Variants in MAP9 observed in about 807,000 individuals in gnomAD.
The protein encoded by MAP9 is microtubule-associated protein 9.
A neutral mutation model predicts 75.2 loss-of-function variants in MAP9; 80 were observed. That is an observed-to-expected ratio of 1.06 (90% CI 0.89 to 1.28). MAP9 has a LOEUF of 1.28. MAP9 is among the 50% of genes most tolerant of loss of function. The pLI is 0.00. For missense variants in MAP9, 753 were observed against 719.9 expected, an observed-to-expected ratio of 1.05 and a Z score of -0.53; for synonymous variants, 235 against 237.3, an observed-to-expected ratio of 0.99 and a Z score of 0.09.
In MAP9 at chr4:155,345,071, C is replaced by T. The variant is rs1731235074; in HGVS notation, c.*2712G>A. The stretch of plus-strand genomic sequence containing the variant: ...ATATCTATATTGACATGACATACTT[C>T]CTAAGGAAATATGGGAAAATCATAC... On this transcript the variant is annotated 3_prime_UTR_variant, in exon 14 of 14. Coordinates refer to ENST00000311277, the MANE Select transcript of MAP9 (RefSeq NM_001039580.2). 1 of 151,822 alleles carries T rather than the reference C, an allele frequency of 6.6e-6. No homozygotes were observed. Among genetic ancestry groups the T allele is most frequent in the Non-Finnish European group, 1.5e-5 (1 of 67,864 alleles). The allele number at this position is 151,822 out of a possible 1,614,324, so 9.4% of individuals were successfully genotyped here. A position where few individuals can be genotyped will look rare whatever the true frequency, so the allele number is the denominator to read the frequency against.
At chr4:155,361,966 T>C in intron 6 of MAP9, 82 bp downstream of exon 6, 1 of 819,606 alleles carries the variant, frequency 1.2e-6, no homozygotes, top group Non-Finnish European at 2.0e-6. Flanking sequence ...CTTATAACTA[T>C]ACAAAGTATT....
At chr4:155,360,788 G>A (rs966808639) in intron 6 of MAP9, among the ~76,000 whole-genome samples, 3 of 151,926 alleles carry the variant, frequency 2.0e-5, no homozygotes, top group Admixed American at 6.6e-5. Flanking sequence ...GGAACAACAC[G>A]CTGCATAAGA....
chr4:155,349,721 A>G (rs1731427752), intron 13 of MAP9: 1 of 152,224 alleles, frequency 6.6e-6, no homozygotes, highest in East Asian at 1.9e-4. Flanking sequence ...GATCATCTTC[A>G]ATCATTTTAA....
At chr4:155,351,962 CAA>C (rs1241783899) in intron 13 of MAP9, among the ~76,000 whole-genome samples, 1 of 151,862 alleles carries the variant, frequency 6.6e-6, no homozygotes, top group African/African-American at 2.4e-5. Context: ...TAAACATGGA[CAA>C]AATGCATATT....
Position 155,346,865 on chromosome 4 carries a change from G to C in MAP9, c.*918C>G, listed in dbSNP as rs943748340. The C allele has an allele frequency of 2.6e-5, 4 of 152,452 alleles. No individual in the cohort carries two copies. The South Asian group carries it at 6.2e-4, about 24-fold the overall frequency. 9.4% of individuals were successfully genotyped at this position (152,452 alleles called of 1,614,324 possible). On this transcript the variant is annotated 3_prime_UTR_variant, in exon 14 of 14. Coordinates refer to ENST00000311277, the MANE Select transcript of MAP9 (RefSeq NM_001039580.2). The stretch of plus-strand genomic sequence containing the variant: ...GAGATCAAATAAATAAATAAATAAA[G>C]GCTTTGTGGACATTGTCAACATATT...
chr4:155,375,575 A>T (rs1303998269), intron 2 of MAP9, among the ~76,000 whole-genome samples: 1 of 152,214 alleles, frequency 6.6e-6, no homozygotes, highest in Non-Finnish European at 1.5e-5. Context: ...GGAAACTAGT[A>T]TTGAGGCTAC....
chr4:155,376,517 G>A (rs1363242837), intron 1 of MAP9: 3 of 152,368 alleles, frequency 2.0e-5, no homozygotes, highest in African/African-American at 7.2e-5. Flanking sequence ...AGGCCTGGCA[G>A]GGCCGCCCAT....
chr4:155,370,592 T>G (rs937655822), intron 4 of MAP9, among the ~76,000 whole-genome samples: 1 of 152,182 alleles, frequency 6.6e-6, no homozygotes, highest in African/African-American at 2.4e-5. Flanking sequence ...TGCATGTCTT[T>G]TGAGCCTCAG....
At position 155,375,784 on chromosome 4, in the gene MAP9, T is replaced by A. The variant is rs200658882; in HGVS notation, c.67A>T (p.Thr23Ser). 1.1e-5 allele frequency: 18 copies of A among 1,597,578 alleles called. No homozygotes were observed. In the African/African-American group the frequency reaches 2.3e-4, roughly 20 times the overall value. The change falls in exon 2 of 14, where the codon ACT becomes TCT. Residue 23 changes from threonine (T) to serine (S), a missense_variant. Physicochemically the swap from Thr to Ser is moderately conservative, Grantham distance 58 (BLOSUM62 1). Transcript: ENST00000311277. The stretch of plus-strand genomic sequence containing the variant: ...AAATAAAAATACTTTACCTGGAAAG[T>A]AGTTCTTTTGGTAACTTTTGGACTC... ...TKSPKVTKRT[T>S]FQDELIRAIT... is the part of the protein sequence containing the mutation.
At chr4:155,349,749 A>G (rs970623640) in intron 13 of MAP9, 1 of 152,274 alleles carries the variant, frequency 6.6e-6, no homozygotes. Context: ...GAGACAGACC[A>G]TCTAGCTAGG....
At position 155,373,275 on chromosome 4, in the gene MAP9, C is replaced by T. The variant is rs570309606; in HGVS notation, c.342G>A (p.Glu114=). ...CTTCACACCCATCAGGTGCCATTTCCTCTTCATTTTTGATGGCACACACTG... is the reference window on the plus strand; with the variant it reads ...CTTCACACCCATCAGGTGCCATTTCTTCTTCATTTTTGATGGCACACACTG... ...DEPVCAIKNE[E]EMAPDGCEDI... Residue 114 remains glutamate (E), a synonymous_variant, in exon 4 of 14, where the codon GAG becomes GAA. Coordinates refer to ENST00000311277, the MANE Select transcript of MAP9 (RefSeq NM_001039580.2). 6.3e-5 allele frequency: 102 copies of T among 1,613,614 alleles called. No individual in the cohort carries two copies. The highest frequency in any genetic ancestry group is 3.3e-5 in the Admixed American group (2 of 59,978).
At chr4:155,366,293 A>G (rs892880384) in intron 5 of MAP9, among the ~76,000 whole-genome samples, 2 of 151,674 alleles carry the variant, frequency 1.3e-5, no homozygotes, top group Admixed American at 6.6e-5. Context: ...TGGGAGGCAG[A>G]GCTTGCAGTG....
intron 10 of MAP9, 36 bp from the exon 11 acceptor site, chr4:155,353,376 A>G: frequency 6.9e-7 from 1 of 1,458,824 alleles, no homozygotes; most frequent in East Asian, 2.5e-5. Context: ...ATATACATAT[A>G]TATGTATATA....
In MAP9 at chr4:155,345,725, A is replaced by T. The variant is rs530030558; in HGVS notation, c.*2058T>A. On this transcript the variant is annotated 3_prime_UTR_variant, in exon 14 of 14. Transcript: ENST00000311277. ...AAGTAATAATGGTTAGCCACTAAAT[A>T]TGATAATGTAGAAGAAAATAATGGA... 6.6e-6 allele frequency: 1 copy of T among 152,262 alleles called. No individual in the cohort carries two copies. Among genetic ancestry groups the T allele is most frequent in the South Asian group, 2.1e-4 (1 of 4,826 alleles). 9.4% of individuals were successfully genotyped at this position (152,262 alleles called of 1,614,324 possible). A position where few individuals can be genotyped will look rare whatever the true frequency, so the allele number is the denominator to read the frequency against.
chr4:155,363,187 T>C (rs558527980), intron 5 of MAP9: 1 of 152,112 alleles, frequency 6.6e-6, no homozygotes, highest in Non-Finnish European at 1.5e-5. Flanking sequence ...TGTAAAAGCA[T>C]AGAAGCTAGA....
chr4:155,357,591 C>T, intron 7 of MAP9, 72 bp from the exon 8 acceptor site: 1 of 832,114 alleles, frequency 1.2e-6, no homozygotes, highest in South Asian at 1.4e-5. Context: ...AGCCAAACTG[C>T]CAGTAAATCA....
rs368895375 is a variant in MAP9, at chr4:155,373,425, T to C, written c.192A>G (p.Ala64=). Residue 64 remains alanine (A), a synonymous_variant, in exon 4 of 14, where the codon GCA becomes GCG. Coordinates refer to ENST00000311277, the MANE Select transcript of MAP9 (RefSeq NM_001039580.2). The part of the protein sequence containing the change: ...VSLGDFSDTS[A]DENSVNKKMN... ...TTTTTTTATTAACTGAATTTTCATC[T>C]GCTGAAGTGTCAGAAAAATCACCTA... is the stretch of plus-strand genomic sequence containing the variant. The C allele has an allele frequency of 3.8e-6, 6 of 1,569,460 alleles. No individual in the cohort carries two copies. Among genetic ancestry groups the C allele is most frequent in the Non-Finnish European group, 4.3e-6 (5 of 1,159,382 alleles).
intron 3 of MAP9, among the ~76,000 whole-genome samples, chr4:155,373,745 C>T (rs927878981): frequency 6.6e-6 from 1 of 152,100 alleles, no homozygotes; most frequent in Non-Finnish European, 1.5e-5. Context: ...TGGAAAAAGC[C>T]ATCCAAAGGT....
At chr4:155,364,532 T>C (rs1390521679) in intron 5 of MAP9, among the ~76,000 whole-genome samples, 1 of 89,948 alleles carries the variant, frequency 1.1e-5, no homozygotes, top group Non-Finnish European at 2.1e-5. Flanking sequence ...CAAATATATA[T>C]TATCTATATT....
Sources: gnomAD v4.1 joint callset for allele counts (sites outside exome capture counted in the v4.1 genomes callset) on GRCh38, gnomAD v4.1.1 for gene constraint, MANE v1.5 for transcripts, NCBI Gene and HGNC (gene_info 2026-07-23, HGNC 2026-07-21) for gene names.